Variants in AP1G1 observed in about 807,000 individuals in gnomAD.
AP1G1 encodes AP-1 complex subunit gamma-1.
Under a neutral mutation model 108.3 loss-of-function variants are expected in AP1G1, and 7 were observed. The ratio of observed to expected loss-of-function variants is 0.06; its 90% CI spans 0.04 to 0.12. The LOEUF is 0.12. AP1G1 is among the 10% of genes least tolerant of loss of function. The pLI, the probability that AP1G1 is intolerant of heterozygous loss-of-function variation, is 1.00. For synonymous variants in AP1G1, 379 were observed against 353.5 expected (o/e 1.07, Z -0.81); for missense variants, 756 against 1,010.7 (o/e 0.75, Z 3.42).
At position 71,792,468 on chromosome 16, in the gene AP1G1, G is replaced by A. The variant is rs181275350; in HGVS notation, c.-3-2986C>T. On this transcript the variant is annotated intron_variant, in intron 1 of 22. Coordinates refer to ENST00000299980, the MANE Select transcript of AP1G1 (RefSeq NM_001128.6). ...GCCCTTTCCAACCCTGAAAAACAAAGAAATGTGAGTCCGTATTTTGGCCAA... is the reference window on the plus strand; with the variant it reads ...GCCCTTTCCAACCCTGAAAAACAAAAAAATGTGAGTCCGTATTTTGGCCAA... 6.6e-5 allele frequency among the ~76,000 whole-genome samples: 10 copies of A among 152,226 alleles called. 1 individual carries two copies. The highest frequency in any genetic ancestry group is 3.9e-4 in the Admixed American group (6 of 15,282).
At chr16:71,788,408 A>C (rs533651930) in intron 2 of AP1G1, among the ~76,000 whole-genome samples, 3 of 152,194 alleles carry the variant, frequency 2.0e-5, no homozygotes, top group African/African-American at 7.2e-5. Flanking sequence ...TGCAAAGAAG[A>C]AAGTACTTAT....
intron 19 of AP1G1, among the ~76,000 whole-genome samples, chr16:71,744,196 A>G (rs1167955946): frequency 6.6e-6 from 1 of 152,218 alleles, no homozygotes; most frequent in African/African-American, 2.4e-5. Context: ...GTGAGTCGAG[A>G]TCGTGCCACT....
intron 2 of AP1G1, among the ~76,000 whole-genome samples, chr16:71,777,182 A>G (rs2031816721): frequency 7.0e-6 from 1 of 143,748 alleles, no homozygotes; most frequent in South Asian, 2.3e-4. Context: ...GTTTGGCCCC[A>G]ACCCCAGCCC....
At chr16:71,771,419 C>T (rs1277135569) in intron 4 of AP1G1, among the ~76,000 whole-genome samples, 167 bp from the exon 5 acceptor site, 1 of 152,090 alleles carries the variant, frequency 6.6e-6, no homozygotes, top group Non-Finnish European at 1.5e-5. Flanking sequence ...ACAGTGATAG[C>T]CCACTCCTAT....
chr16:71,807,985 C>T, intron 1 of AP1G1: 1 of 1,228,692 alleles, frequency 8.1e-7, no homozygotes, highest in South Asian at 1.4e-5. Flanking sequence ...TAATCTGCTT[C>T]ATAAACATAA....
chr16:71,791,462 C>T (rs935514220), intron 1 of AP1G1, among the ~76,000 whole-genome samples: 7 of 152,132 alleles, frequency 4.6e-5, no homozygotes, highest in Middle Eastern at 6.8e-3. Flanking sequence ...AGTAACAAAA[C>T]ATTACTGTAA....
intron 11 of AP1G1, 37 bp downstream of exon 11, chr16:71,758,770 CA>C (rs2030933459): frequency 4.6e-6 from 6 of 1,314,692 alleles, no homozygotes; most frequent in Non-Finnish European, 6.5e-6. Context: ...CTCAATTTAC[CA>C]AAAACACTAG....
chr16:71,786,113 T>C (rs981607998), intron 2 of AP1G1, among the ~76,000 whole-genome samples: 3 of 152,218 alleles, frequency 2.0e-5, no homozygotes, highest in Non-Finnish European at 4.4e-5. Flanking sequence ...AAATATTTTA[T>C]GATAAAATTT....
rs1268303454 is a variant in AP1G1, at chr16:71,739,109, A to G, written c.2108-7T>C. 6.2e-7 allele frequency: 1 copy of G among 1,614,010 alleles called. No homozygotes were observed. The highest frequency in any genetic ancestry group is 1.7e-5 in the Admixed American group (1 of 59,970). On this transcript the variant is annotated splice_polypyrimidine_tract_variant and splice_region_variant and intron_variant, in intron 20 of 22. Coordinates refer to ENST00000299980, the MANE Select transcript of AP1G1 (RefSeq NM_001128.6). ...GCTGTGATGGAGGGGATGCCTGAGA[A>G]AGTACAGGAAGATAAGTCTTATTGT... is the stretch of plus-strand genomic sequence containing the variant.
intron 2 of AP1G1, among the ~76,000 whole-genome samples, chr16:71,787,226 G>A (rs1202174756): frequency 6.7e-6 from 1 of 150,164 alleles, no homozygotes; most frequent in Non-Finnish European, 1.5e-5. Flanking sequence ...GGCTGAGGCA[G>A]AAGAATCTTT....
At chr16:71,806,125 G>A (rs1042173187) in intron 1 of AP1G1, among the ~76,000 whole-genome samples, 17 of 152,002 alleles carry the variant, frequency 1.1e-4, no homozygotes, top group African/African-American at 3.9e-4. Flanking sequence ...AATAAACACT[G>A]GGGTGAAATA....
chr16:71,764,598 C>A (rs759473000), intron 8 of AP1G1, 48 bp downstream of exon 8: 3 of 1,422,752 alleles, frequency 2.1e-6, no homozygotes, highest in Non-Finnish European at 2.9e-6. Flanking sequence ...CATTCTACTC[C>A]CAGCGAAACT....
intron 21 of AP1G1, among the ~76,000 whole-genome samples, chr16:71,735,420 T>G (rs143496646): frequency 0.088 from 13,315 of 152,144 alleles, 619 homozygotes; most frequent in Middle Eastern, 0.11. Context: ...TCCCAGCACT[T>G]TGGGAGGTCA....
intron 1 of AP1G1, among the ~76,000 whole-genome samples, chr16:71,793,748 G>A (rs547198303): frequency 7.2e-5 from 11 of 152,084 alleles, no homozygotes; most frequent in African/African-American, 2.7e-4. Context: ...GCAGTGGTGC[G>A]ATCTCGGCTC....
At chr16:71,767,356 C>G (rs78012517) in intron 6 of AP1G1, among the ~76,000 whole-genome samples, 1 of 152,118 alleles carries the variant, frequency 6.6e-6, no homozygotes, top group African/African-American at 2.4e-5. Flanking sequence ...TTGGTGCCCA[C>G]TACTCTACCT....
In AP1G1 at chr16:71,758,838, C is replaced by G; in HGVS notation, c.1058G>C (p.Cys353Ser). 1 of 1,608,668 alleles carries G rather than the reference C, an allele frequency of 6.2e-7. No individual in the cohort carries two copies. The highest frequency in any genetic ancestry group is 8.5e-7 in the Non-Finnish European group (1 of 1,178,038). ...VQRHRSTIVD[C>S]LKDLDVSIKR... ...TATTGAGACATCCAAATCTTTAAGA[C>G]AGTCCACAATTGTGCTTCTGTGCCT... is the stretch of plus-strand genomic sequence containing the variant. Residue 353 changes from cysteine to serine, a missense_variant, in exon 11 of 23, where the codon TGT becomes TCT. Coordinates refer to ENST00000299980, the MANE Select transcript of AP1G1 (RefSeq NM_001128.6).
At chr16:71,761,590 G>A (rs776510242) in intron 9 of AP1G1, 23 bp from the exon 10 acceptor site, 26 of 1,562,964 alleles carry the variant, frequency 1.7e-5, no homozygotes, top group African/African-American at 8.2e-5. Context: ...AGCATAGGTC[G>A]AAATTTAGGA....
chr16:71,778,634 G>T (rs1469737788), intron 2 of AP1G1, among the ~76,000 whole-genome samples: 1 of 147,828 alleles, frequency 6.8e-6, no homozygotes. Context: ...AGTGAGCTGA[G>T]ATCGCGCCAC....
At chr16:71,769,454 A>C in intron 6 of AP1G1, 169 bp downstream of exon 6, 1 of 641,732 alleles carries the variant, frequency 1.6e-6, no homozygotes, top group Non-Finnish European at 2.9e-6. Context: ...GCCAGTTCTC[A>C]CTTATATGCC....
Sources: allele counts gnomAD v4.1 joint callset (sites outside exome capture counted in the v4.1 genomes callset), GRCh38; gene constraint gnomAD v4.1.1; transcripts MANE v1.5; gene names NCBI Gene and HGNC (gene_info 2026-07-23, HGNC 2026-07-21).